ADAMTS9: variants seen among roughly 807,000 people sequenced by gnomAD.
ADAMTS9 encodes ADAM metallopeptidase with thrombospondin type 1 motif 9, also known as A disintegrin and metalloproteinase with thrombospondin motifs 9.
ADAMTS9 carries 107 observed loss-of-function variants against 257.1 expected under a neutral mutation model. The observed-to-expected ratio is 0.42, with a 90% CI of 0.36 to 0.49. ADAMTS9 has a LOEUF of 0.49. Ranked by LOEUF, ADAMTS9 falls within the 20% of genes least tolerant of loss-of-function variation. ADAMTS9 has a pLI of 0.03. For missense variants in ADAMTS9, 2,353 were observed against 2,469.1 expected (o/e 0.95, Z 1.00); for synonymous variants, 982 against 880.9 (o/e 1.11, Z -2.03).
At chr3:64,675,661 T>C (rs543220121) in intron 3 of ADAMTS9, among the ~76,000 whole-genome samples, 1 of 152,126 alleles carries the variant, frequency 6.6e-6, no homozygotes, top group Non-Finnish European at 1.5e-5. Context: ...ATATAGCAGT[T>C]TCCATTTGTG....
rs2084248086 is a variant in ADAMTS9 at position 64,590,949 on chromosome 3, G to C, written c.4356+3309C>G. On this transcript the variant is annotated intron_variant, in intron 28 of 39. Coordinates refer to ENST00000498707, the MANE Select transcript of ADAMTS9 (RefSeq NM_182920.2). ...CTTGGATACATGGTATCACCTAGCA[G>C]ACTTTTAATCTGTGATTATCTAGAT... is the stretch of plus-strand genomic sequence containing the variant. Among the ~76,000 whole-genome samples the C allele has an allele frequency of 2.0e-5, 3 of 152,286 alleles. No homozygotes were observed. The South Asian group carries it at 6.2e-4, about 32-fold the overall frequency.
chr3:64,671,822 T>C (rs997873061), intron 3 of ADAMTS9, among the ~76,000 whole-genome samples: 4 of 152,204 alleles, frequency 2.6e-5, no homozygotes, highest in Non-Finnish European at 4.4e-5. Flanking sequence ...AGATATCTGG[T>C]CCACAGGTAA....
Position 64,551,032 on chromosome 3 carries a change from A to T in ADAMTS9, c.4729T>A (p.Tyr1577Asn). The T allele has an allele frequency of 6.2e-7, 1 of 1,614,146 alleles. No homozygotes were observed. Among genetic ancestry groups the T allele is most frequent in the Non-Finnish European group, 8.5e-7 (1 of 1,180,006 alleles). Residue 1577 changes from tyrosine to asparagine, a missense_variant, in exon 31 of 40, where the codon TAC (tyrosine) becomes AAC (asparagine). Tyr to Asn is a moderately radical substitution (Grantham distance 143, BLOSUM62 -2). This residue lies in a region of ADAMTS9 where 1,402 missense variants were observed against 1,441.4 expected (regional missense o/e 0.97). Transcript: ENST00000498707. ...CTKTCGEGSRYRKVVCVDDNK... is the reference protein window; with the variant it reads ...CTKTCGEGSRNRKVVCVDDNK... ...TCATCCACACACACCACCTTGCGGTACCTGGAGCCTTCGCCGCAGGTCTTG... is the reference window on the plus strand; with the variant it reads ...TCATCCACACACACCACCTTGCGGTTCCTGGAGCCTTCGCCGCAGGTCTTG...
rs575534213 is a variant in ADAMTS9 at position 64,516,474 on chromosome 3, G to C, written c.*653C>G. 1 of 152,534 alleles carries C rather than the reference G, an allele frequency of 6.6e-6. No homozygotes were observed. Among genetic ancestry groups the C allele is most frequent in the East Asian group, 1.9e-4 (1 of 5,192 alleles). The allele number at this position is 152,534 out of a possible 1,614,324, so 9.4% of individuals were successfully genotyped here. ...TCTGTGCACTGGAAATTGTCCTTCC[G>C]TTCCTCCCTTTCATTAAAAGTGTTT... On this transcript the variant is annotated 3_prime_UTR_variant, in exon 40 of 40. Coordinates refer to ENST00000498707, the MANE Select transcript of ADAMTS9 (RefSeq NM_182920.2).
rs759645218 is a variant in ADAMTS9, at chr3:64,561,770, T to C, written c.4525-19A>G. 44 of 1,479,404 alleles carry C rather than the reference T, an allele frequency of 3.0e-5. No individual in the cohort carries two copies. The highest frequency in any genetic ancestry group is 4.0e-5 in the Non-Finnish European group (44 of 1,104,234). The allele number at this position is 1,479,404 out of a possible 1,614,324, so 91.6% of individuals were successfully genotyped here. On this transcript the variant is annotated intron_variant, in intron 29 of 39. Transcript: ENST00000498707. ...CAGAGCACTAAGAAGACAGAGAACG[T>C]AAGTGGGAGCTTCGGCTCATTTATT...
chr3:64,547,919 A>T (rs1409004638), intron 31 of ADAMTS9, among the ~76,000 whole-genome samples: 1 of 151,862 alleles, frequency 6.6e-6, no homozygotes, highest in African/African-American at 2.4e-5. Context: ...TTTAGTTTTG[A>T]TGATATTTTT....
At chr3:64,603,486 C>T (rs1380240517) in intron 25 of ADAMTS9, among the ~76,000 whole-genome samples, 2 of 152,148 alleles carry the variant, frequency 1.3e-5, no homozygotes, top group Non-Finnish European at 1.5e-5. Flanking sequence ...AGGATTCCCA[C>T]TTCCCATTCT....
intron 2 of ADAMTS9, among the ~76,000 whole-genome samples, chr3:64,683,070 CTAGT>C (rs1326298931): frequency 6.6e-6 from 1 of 152,194 alleles, no homozygotes; most frequent in East Asian, 1.9e-4. Context: ...GACAGAGTAG[CTAGT>C]TGCCAGAGAA....
At chr3:64,555,386 T>TTCAA (rs71878746) in intron 30 of ADAMTS9, among the ~76,000 whole-genome samples, 1 of 150,820 alleles carries the variant, frequency 6.6e-6, no homozygotes, top group Non-Finnish European at 1.5e-5. Flanking sequence ...CATTCATTCA[T>TTCAA]TCAATCAATC....
At chr3:64,618,255 C>A (rs1410351866) in intron 19 of ADAMTS9, among the ~76,000 whole-genome samples, 1 of 152,140 alleles carries the variant, frequency 6.6e-6, no homozygotes, top group Non-Finnish European at 1.5e-5. Context: ...TGGACATAAT[C>A]CCTTTACCTT....
chr3:64,602,771 C>T (rs2106811494), intron 25 of ADAMTS9, among the ~76,000 whole-genome samples: 1 of 152,344 alleles, frequency 6.6e-6, no homozygotes, highest in South Asian at 2.1e-4. Flanking sequence ...CCATCTTTCT[C>T]TATTCCACTT....
chr3:64,550,661 A>T (rs75305202), intron 31 of ADAMTS9: 6,299 of 536,404 alleles, frequency 0.012, 225 homozygotes, highest in East Asian at 0.081. Context: ...GAATCACAGA[A>T]TGTAGACCTG....
chr3:64,527,417 A>G (rs1456548262), intron 38 of ADAMTS9, among the ~76,000 whole-genome samples: 6 of 152,156 alleles, frequency 3.9e-5, no homozygotes, highest in African/African-American at 1.4e-4. Context: ...GGAGTGTGCT[A>G]ATTTAAAGAC....
chr3:64,568,236 A>G (rs1344868998), intron 29 of ADAMTS9, 132 bp downstream of exon 29: 1 of 898,392 alleles, frequency 1.1e-6, no homozygotes, highest in Non-Finnish European at 1.6e-6. Flanking sequence ...CTAGGTAATG[A>G]TTCTCCCCTC....
At chr3:64,657,471 G>A (rs937252274) in intron 4 of ADAMTS9, among the ~76,000 whole-genome samples, 5 of 151,486 alleles carry the variant, frequency 3.3e-5, no homozygotes, top group African/African-American at 1.2e-4. Flanking sequence ...GAGCACCTGA[G>A]CCTACTATAG....
At chr3:64,517,992 G>A (rs1344654620) in intron 39 of ADAMTS9, among the ~76,000 whole-genome samples, 3 of 152,096 alleles carry the variant, frequency 2.0e-5, no homozygotes, top group Non-Finnish European at 2.9e-5. Context: ...GTTCAAAAGC[G>A]ACCATGCGAC....
intron 28 of ADAMTS9, among the ~76,000 whole-genome samples, chr3:64,581,308 T>TTGG (rs2083993445): frequency 6.6e-6 from 1 of 152,226 alleles, no homozygotes; most frequent in Admixed American, 6.5e-5. Flanking sequence ...AGTGAGCTTT[T>TTGG]TGGTGGTGGT....
chr3:64,557,839 G>A (rs1053635028), intron 30 of ADAMTS9, among the ~76,000 whole-genome samples: 2 of 152,210 alleles, frequency 1.3e-5, no homozygotes, highest in African/African-American at 2.4e-5. Flanking sequence ...TAAACAAAAT[G>A]AGATGTGGAT....
chr3:64,684,441 A>C (rs1178830207), intron 2 of ADAMTS9, among the ~76,000 whole-genome samples: 1 of 151,990 alleles, frequency 6.6e-6, no homozygotes, highest in African/African-American at 2.4e-5. Context: ...TAGACTCTTC[A>C]AGATTTCCTG....
Sources: gnomAD v4.1 joint callset for allele counts (sites outside exome capture counted in the v4.1 genomes callset) on GRCh38, gnomAD v4.1.1 for gene constraint, gnomAD v4.1.1 regional missense constraint, MANE v1.5 for transcripts, NCBI Gene and HGNC (gene_info 2026-07-23, HGNC 2026-07-21) for gene names.